MME: variants seen among roughly 807,000 people sequenced by gnomAD.
The protein encoded by MME is neprilysin.
Under a neutral mutation model 113.2 loss-of-function variants are expected in MME, and 98 were observed. The ratio of observed to expected loss-of-function variants is 0.87; its 90% CI spans 0.74 to 1.02. The LOEUF (loss-of-function observed/expected upper bound fraction) is 1.02, where lower values mean the gene tolerates loss of function less well. MME is among the 50% of genes least tolerant of loss of function. MME has a pLI of 0.00. For missense variants in MME, 836 were observed against 896.0 expected (o/e 0.93, Z 0.86); for synonymous variants, 292 against 300.6 (o/e 0.97, Z 0.30).
intron 17 of MME, among the ~76,000 whole-genome samples, chr3:155,161,705 T>C (rs1410017484): frequency 6.6e-6 from 1 of 152,128 alleles, no homozygotes; most frequent in African/African-American, 2.4e-5. Context: ...AACTGAATTA[T>C]ATAAAGTAAC....
intron 3 of MME, among the ~76,000 whole-genome samples, chr3:155,098,525 C>T (rs542537717): frequency 1.5e-4 from 23 of 151,010 alleles, no homozygotes; most frequent in South Asian, 4.2e-4. Context: ...CACTGCACTC[C>T]GGCCTGGGCG....
At chr3:155,082,559 C>T (rs926644596) in intron 1 of MME, among the ~76,000 whole-genome samples, 1 of 152,162 alleles carries the variant, frequency 6.6e-6, no homozygotes, top group African/African-American at 2.4e-5. Flanking sequence ...TGAGACTAAG[C>T]CAGCATGCCT....
At position 155,167,987 on chromosome 3, in the gene MME, T is replaced by C. The variant is rs1347858868; in HGVS notation, c.1781-505T>C. ...TGATACATATAAATGCAATTGGAGC[T>C]CAAAAGGGAGAAAGATCGATGTAGT... is the stretch of plus-strand genomic sequence containing the variant. On this transcript the variant is annotated intron_variant, in intron 18 of 22. Coordinates refer to ENST00000360490, the MANE Select transcript of MME (RefSeq NM_007289.4). 1.3e-5 allele frequency among the ~76,000 whole-genome samples: 2 copies of C among 152,202 alleles called. 1 individual carries two copies. The highest frequency in any genetic ancestry group is 3.9e-4 in the East Asian group (2 of 5,176).
At chr3:155,168,182 G>T (rs1279942083) in intron 18 of MME, among the ~76,000 whole-genome samples, 4 of 152,160 alleles carry the variant, frequency 2.6e-5, no homozygotes, top group Admixed American at 6.5e-5. Flanking sequence ...ACAGACTTGG[G>T]TCAGGTAAAA....
At chr3:155,143,080 A>G (rs535391742) in intron 12 of MME, among the ~76,000 whole-genome samples, 180 of 152,322 alleles carry the variant, frequency 1.2e-3, no homozygotes, top group Middle Eastern at 3.4e-3. Flanking sequence ...CTTGAAAAGC[A>G]GTAATGTGTT....
Position 155,142,231 on chromosome 3 carries a change from A to G in MME, c.1095-6A>G, listed in dbSNP as rs1422179225. On this transcript the variant is annotated splice_region_variant and splice_polypyrimidine_tract_variant and intron_variant, in intron 11 of 22. Transcript: ENST00000360490. The stretch of plus-strand genomic sequence containing the variant: ...CTGTTGCTGGGCGGTGGTTTTTTTT[A>G]TACAGAGATCTTCAAAATTTAATGT... The G allele has an allele frequency of 6.2e-7, 1 of 1,613,092 alleles. No homozygotes were observed. The highest frequency in any genetic ancestry group is 1.3e-5 in the African/African-American group (1 of 74,924).
rs9847553 is a variant in MME at position 155,137,820 on chromosome 3, T to C, written c.721-282T>C. Among the ~76,000 whole-genome samples the C allele has an allele frequency of 0.15, 22,173 of 152,184 alleles. 1,703 individuals carry two copies. Among genetic ancestry groups the C allele is most frequent in the Middle Eastern group, 0.22 (65 of 294 alleles). On this transcript the variant is annotated intron_variant, in intron 8 of 22. Transcript: ENST00000360490. ...CTCATTCTAATCAAGGCAAAATAAC[T>C]TTATTGAAAATTGAAAATTACAGTC...
chr3:155,097,826 GT>G (rs1022013614), intron 3 of MME, among the ~76,000 whole-genome samples: 3 of 152,214 alleles, frequency 2.0e-5, no homozygotes, highest in Non-Finnish European at 4.4e-5. Flanking sequence ...AGACTGGAAA[GT>G]GTCCATGTGA....
chr3:155,139,656 G>A (rs993414107), intron 9 of MME, among the ~76,000 whole-genome samples: 5 of 152,162 alleles, frequency 3.3e-5, no homozygotes, highest in African/African-American at 1.2e-4. Context: ...AAAGGTCCAT[G>A]ATGTTGCCAT....
chr3:155,046,047 C>T (rs988162855), intron 1 of MME, among the ~76,000 whole-genome samples: 9 of 152,054 alleles, frequency 5.9e-5, no homozygotes, highest in African/African-American at 2.2e-4. Flanking sequence ...GAATTTTAGC[C>T]GGATTTTCTT....
At chr3:155,160,518 C>A in intron 17 of MME, 70 bp downstream of exon 17, 2 of 986,288 alleles carry the variant, frequency 2.0e-6, no homozygotes, top group African/African-American at 1.6e-5. Context: ...ATTGTATGAC[C>A]AATTACAATA....
intron 2 of MME, 133 bp from the exon 3 acceptor site, chr3:155,084,926 T>C: frequency 3.4e-6 from 2 of 586,774 alleles, no homozygotes; most frequent in Non-Finnish European, 6.1e-6. Context: ...GACAATGATA[T>C]ATAATGTTCA....
intron 17 of MME, among the ~76,000 whole-genome samples, chr3:155,165,667 T>C (rs1723039107): frequency 6.6e-6 from 1 of 152,076 alleles, no homozygotes; most frequent in Non-Finnish European, 1.5e-5. Context: ...GGAGACTGAT[T>C]AGGAAATTAA....
chr3:155,044,125 C>CT (rs5853709), intron 1 of MME, among the ~76,000 whole-genome samples: 17,714 of 89,638 alleles, frequency 0.2, 2,160 homozygotes, highest in East Asian at 0.28. Context: ...CTTCCTTTTT[C>CT]TTTTTTTTTT....
intron 18 of MME, among the ~76,000 whole-genome samples, chr3:155,167,931 G>C (rs1711517339): frequency 6.6e-6 from 1 of 152,150 alleles, no homozygotes; most frequent in African/African-American, 2.4e-5. Context: ...AGGCAAATAT[G>C]AAAAAGATGG....
At chr3:155,140,570 C>T (rs1013939187) in intron 10 of MME, among the ~76,000 whole-genome samples, 11 of 151,934 alleles carry the variant, frequency 7.2e-5, no homozygotes, top group Non-Finnish European at 1.0e-4. Context: ...GCATGCACCA[C>T]CACACCTGGC....
At chr3:155,169,517 T>G (rs1211407654) in intron 20 of MME, among the ~76,000 whole-genome samples, 1 of 152,152 alleles carries the variant, frequency 6.6e-6, no homozygotes, top group Non-Finnish European at 1.5e-5. Flanking sequence ...TAAAAAATAG[T>G]CTGGTGGATG....
At chr3:155,156,073 C>T (rs1722286318) in intron 16 of MME, among the ~76,000 whole-genome samples, 1 of 152,162 alleles carries the variant, frequency 6.6e-6, no homozygotes, top group Admixed American at 6.6e-5. Context: ...TGTTAACAAC[C>T]ATATGCAACA....
upstream of MME, among the ~76,000 whole-genome samples, chr3:155,074,838 G>GA (rs1714694400): frequency 6.6e-6 from 1 of 152,092 alleles, no homozygotes; most frequent in Admixed American, 6.6e-5. Flanking sequence ...AATGTGTTAT[G>GA]AAAAGTCTTT....
Sources: gnomAD v4.1 joint callset for allele counts (sites outside exome capture counted in the v4.1 genomes callset) on GRCh38, gnomAD v4.1.1 for gene constraint, MANE v1.5 for transcripts, NCBI Gene and HGNC (gene_info 2026-07-23, HGNC 2026-07-21) for gene names.